The following ARID2 variants were observed in gnomAD, a reference collection of about 807,000 sequenced individuals.
The protein encoded by ARID2 is AT-rich interactive domain-containing protein 2.
Under a neutral mutation model 184.6 loss-of-function variants are expected in ARID2, and 32 were observed. The ratio of observed to expected loss-of-function variants is 0.17; its 90% CI spans 0.13 to 0.23. The LOEUF (loss-of-function observed/expected upper bound fraction) is 0.23, where lower values mean the gene tolerates loss of function less well. Among genes scored for constraint, ARID2 ranks in the 10% least tolerant of loss-of-function variants. ARID2 has a pLI of 1.00. For synonymous variants in ARID2, 836 were observed against 772.6 expected (o/e 1.08, Z -1.36); for missense variants, 1,696 against 2,197.6 (o/e 0.77, Z 4.56).
intron 3 of ARID2, among the ~76,000 whole-genome samples, chr12:45,795,096 C>T (rs1942365362): frequency 6.6e-6 from 1 of 150,518 alleles, no homozygotes; most frequent in Non-Finnish European, 1.5e-5. Context: ...TTAGATTATT[C>T]AAGAAATATA....
At chr12:45,835,768 C>T (rs890302731) in intron 6 of ARID2, among the ~76,000 whole-genome samples, 2 of 151,884 alleles carry the variant, frequency 1.3e-5, no homozygotes, top group African/African-American at 2.4e-5. Context: ...GGCGTGGTGG[C>T]GCGTGCCTAT....
At chr12:45,806,698 T>C (rs1249903850) in intron 3 of ARID2, among the ~76,000 whole-genome samples, 1 of 152,094 alleles carries the variant, frequency 6.6e-6, no homozygotes, top group Admixed American at 6.6e-5. Flanking sequence ...AAGAGAAACT[T>C]TATTATTTTT....
In ARID2 at chr12:45,850,601, C is replaced by T. The variant is rs760098516; in HGVS notation, c.2478C>T (p.Pro826=). The stretch of plus-strand genomic sequence containing the variant: ...GTCAACAGTTAATCACCACATCACC[C>T]CAACCTGTGCAAACTTCATCTCAAC... ...SQGQQLITTS[P]QPVQTSSQQT... is the part of the protein sequence containing the mutation. The change falls in exon 15 of 21, where the codon CCC becomes CCT. Residue 826 remains proline (P), a synonymous_variant. Transcript: ENST00000334344. 4.3e-6 allele frequency: 7 copies of T among 1,613,940 alleles called. No homozygotes were observed. The highest frequency in any genetic ancestry group is 4.0e-5 in the African/African-American group (3 of 74,898).
intron 20 of ARID2, among the ~76,000 whole-genome samples, chr12:45,897,723 C>A (rs549900670): frequency 6.6e-6 from 1 of 151,754 alleles, no homozygotes; most frequent in African/African-American, 2.4e-5. Flanking sequence ...TGTCTATCAT[C>A]GATGATAGAC....
intron 4 of ARID2, among the ~76,000 whole-genome samples, chr12:45,815,123 G>A (rs2138088259): frequency 6.6e-6 from 1 of 152,156 alleles, no homozygotes; most frequent in South Asian, 2.1e-4. Context: ...ATAAACTTTA[G>A]GACTGCGACA....
At chr12:45,808,440 C>A (rs1392260329) in intron 3 of ARID2, among the ~76,000 whole-genome samples, 2 of 152,062 alleles carry the variant, frequency 1.3e-5, no homozygotes, top group Admixed American at 1.3e-4. Context: ...CAGCCTAAAT[C>A]ATAAATTTCT....
chr12:45,817,641 A>AAG (rs1942828950), intron 4 of ARID2, 29 bp from the exon 5 acceptor site: 1 of 1,547,538 alleles, frequency 6.5e-7, no homozygotes, highest in Non-Finnish European at 8.8e-7. Context: ...GATCTTTGAT[A>AAG]TACTTAAGGT....
intron 4 of ARID2, among the ~76,000 whole-genome samples, chr12:45,812,751 A>G (rs897319890): frequency 1.3e-5 from 2 of 152,194 alleles, no homozygotes; most frequent in South Asian, 2.1e-4. Flanking sequence ...GATGTTAAAA[A>G]AGATACTCCT....
At chr12:45,843,282 T>C (rs1052072549) in intron 11 of ARID2, among the ~76,000 whole-genome samples, 10 of 152,122 alleles carry the variant, frequency 6.6e-5, no homozygotes, top group African/African-American at 2.4e-4. Context: ...TCTCAAACCT[T>C]AGGTACATCA....
intron 12 of ARID2, among the ~76,000 whole-genome samples, 156 bp downstream of exon 12, chr12:45,847,093 C>T (rs543158781): frequency 1.8e-4 from 27 of 152,128 alleles, no homozygotes; most frequent in African/African-American, 6.3e-4. Context: ...ACTTTAAAAT[C>T]CCCTTGTATA....
chr12:45,782,451 G>A (rs575837336), intron 3 of ARID2, among the ~76,000 whole-genome samples: 1 of 152,220 alleles, frequency 6.6e-6, no homozygotes, highest in African/African-American at 2.4e-5. Flanking sequence ...GGTCAACATG[G>A]TGAAAACCCG....
chr12:45,787,658 ATTAT>A (rs1279642923), intron 3 of ARID2, among the ~76,000 whole-genome samples: 2 of 152,166 alleles, frequency 1.3e-5, no homozygotes, highest in African/African-American at 4.8e-5. Flanking sequence ...TATTTTTAAA[ATTAT>A]TTAACTACCT....
At chr12:45,897,998 A>G (rs1437070804) in intron 20 of ARID2, among the ~76,000 whole-genome samples, 3 of 151,990 alleles carry the variant, frequency 2.0e-5, no homozygotes, top group African/African-American at 4.8e-5. Context: ...AGGTCTCACC[A>G]TGTTGTGCAG....
At chr12:45,794,547 T>C (rs1366491278) in intron 3 of ARID2, among the ~76,000 whole-genome samples, 1 of 151,964 alleles carries the variant, frequency 6.6e-6, no homozygotes, top group African/African-American at 2.4e-5. Context: ...ATAGGAGGAG[T>C]AGACCTGGAC....
intron 3 of ARID2, among the ~76,000 whole-genome samples, chr12:45,777,835 T>C (rs1180438149): frequency 6.7e-6 from 1 of 148,504 alleles, no homozygotes; most frequent in Non-Finnish European, 1.5e-5. Context: ...ATATATTTTA[T>C]ATTTTATAAA....
At chr12:45,742,297 C>G (rs528388929) in intron 3 of ARID2, among the ~76,000 whole-genome samples, 1 of 152,264 alleles carries the variant, frequency 6.6e-6, no homozygotes, top group Non-Finnish European at 1.5e-5. Flanking sequence ...TGTTTAGATA[C>G]ACAAATATTT....
At chr12:45,880,111 G>T (rs1487962668) in intron 16 of ARID2, among the ~76,000 whole-genome samples, 1 of 152,068 alleles carries the variant, frequency 6.6e-6, no homozygotes, top group East Asian at 1.9e-4. Flanking sequence ...TGAAGATTCT[G>T]TTGCTAAAAA....
intron 18 of ARID2, among the ~76,000 whole-genome samples, chr12:45,892,777 A>G (rs1256732055): frequency 6.6e-6 from 1 of 152,090 alleles, no homozygotes; most frequent in African/African-American, 2.4e-5. Flanking sequence ...AGAAATCTAC[A>G]GTAGTTTGAA....
intron 3 of ARID2, among the ~76,000 whole-genome samples, chr12:45,768,053 A>G (rs1040024101): frequency 5.3e-5 from 8 of 152,158 alleles, no homozygotes; most frequent in African/African-American, 1.9e-4. Context: ...AGAACATTGA[A>G]TTTCTGTGGT....
Sources: gnomAD v4.1 joint callset for allele counts (sites outside exome capture counted in the v4.1 genomes callset) on GRCh38, gnomAD v4.1.1 for gene constraint, MANE v1.5 for transcripts, NCBI Gene and HGNC (gene_info 2026-07-23, HGNC 2026-07-21) for gene names.